Variants in SLC2A13 observed in about 807,000 individuals in gnomAD.
SLC2A13 encodes the protein proton myo-inositol cotransporter.
Under a neutral mutation model 64.4 loss-of-function variants are expected in SLC2A13, and 32 were observed. The observed-to-expected ratio is 0.50, with a 90% CI of 0.37 to 0.67. The LOEUF is 0.67. Ranked by LOEUF, SLC2A13 falls within the 30% of genes least tolerant of loss-of-function variation. The pLI is 0.00. For missense variants in SLC2A13, 743 were observed against 829.2 expected, an observed-to-expected ratio of 0.90 and a Z score of 1.28; for synonymous variants, 338 against 327.1, an observed-to-expected ratio of 1.03 and a Z score of -0.36.
intron 7 of SLC2A13, among the ~76,000 whole-genome samples, chr12:39,791,454 T>C (rs2135764228): frequency 4.9e-5 from 1 of 20,532 alleles, no homozygotes; most frequent in Admixed American, 5.5e-4. Context: ...GCAGACGACA[T>C]GATTGTTTAT....
intron 4 of SLC2A13, among the ~76,000 whole-genome samples, chr12:39,946,727 C>T (rs1437151597): frequency 6.6e-6 from 1 of 152,214 alleles, no homozygotes; most frequent in Admixed American, 6.5e-5. Context: ...GCAACAGCCC[C>T]AAGTCTGTTT....
Position 40,105,623 on chromosome 12 carries a change from C to G in SLC2A13, c.186G>C (p.Gly62=). Residue 62 remains glycine (G), a synonymous_variant, in exon 1 of 10, where the codon GGG becomes GGC. Transcript: ENST00000280871. The surrounding 1 kb of genome is among the most constrained non-coding windows in gnomAD (Gnocchi z 4.2). ...GCCGCCGCGCCGCGCGCTCCAGGTC[C>G]CCGACGCCGCCGCCGCCCGCGCCCG... is the stretch of plus-strand genomic sequence containing the variant. ...QSAGAGGGGV[G]DLERAARRQF... 1 of 1,493,156 alleles carries G rather than the reference C, an allele frequency of 6.7e-7. No homozygotes were observed. The highest frequency in any genetic ancestry group is 8.9e-7 in the Non-Finnish European group (1 of 1,125,150). The allele number at this position is 1,493,156 out of a possible 1,614,324, so 92.5% of individuals were successfully genotyped here.
chr12:40,074,166 AT>A (rs34071336), intron 1 of SLC2A13, among the ~76,000 whole-genome samples: 95,168 of 121,786 alleles, frequency 0.78, 36,443 homozygotes, highest in East Asian at 0.83. Context: ...CATCAAAGAC[AT>A]TTTTTTTTTT....
At chr12:39,923,615 C>T (rs1219096058) in intron 4 of SLC2A13, among the ~76,000 whole-genome samples, 2 of 151,478 alleles carry the variant, frequency 1.3e-5, no homozygotes, top group East Asian at 3.9e-4. Flanking sequence ...TACTGAATGA[C>T]ACTGAATTGT....
At chr12:39,970,859 T>C (rs1404807078) in intron 3 of SLC2A13, among the ~76,000 whole-genome samples, 2 of 152,204 alleles carry the variant, frequency 1.3e-5, no homozygotes, top group African/African-American at 2.4e-5. Flanking sequence ...AAAAACTATA[T>C]AGATGCCAGT....
chr12:39,947,810 G>A (rs563037366), intron 4 of SLC2A13, among the ~76,000 whole-genome samples: 302 of 151,858 alleles, frequency 2.0e-3, no homozygotes, highest in Non-Finnish European at 3.7e-3. Context: ...ACAGGCGCCC[G>A]CCACTATGCC....
intron 4 of SLC2A13, among the ~76,000 whole-genome samples, chr12:39,883,010 T>A (rs1647868942): frequency 6.6e-6 from 1 of 152,186 alleles, no homozygotes; most frequent in Non-Finnish European, 1.5e-5. Context: ...TTTATTTACA[T>A]GAATGAATGG....
intron 3 of SLC2A13, among the ~76,000 whole-genome samples, chr12:39,959,359 G>A (rs1946370494): frequency 6.6e-6 from 1 of 152,198 alleles, no homozygotes; most frequent in Admixed American, 6.5e-5. Context: ...AATCCTCCAA[G>A]GCAATCAATT....
chr12:39,988,647 G>A (rs28370817), intron 3 of SLC2A13, among the ~76,000 whole-genome samples: 1 of 121,238 alleles, frequency 8.2e-6, no homozygotes, highest in Admixed American at 8.7e-5. Context: ...GGAGGAGAGG[G>A]AGAAAAGGAA....
At chr12:40,003,896 G>A (rs1362160284) in intron 3 of SLC2A13, among the ~76,000 whole-genome samples, 23 of 151,918 alleles carry the variant, frequency 1.5e-4, no homozygotes, top group Non-Finnish European at 2.9e-5. Context: ...GGGAGGCTGA[G>A]GAAGGAGAAT....
At chr12:39,931,406 C>A (rs996370182) in intron 4 of SLC2A13, among the ~76,000 whole-genome samples, 1 of 152,198 alleles carries the variant, frequency 6.6e-6, no homozygotes, top group South Asian at 2.1e-4. Flanking sequence ...TTTCCAACAG[C>A]CCTATTCGCC....
intron 6 of SLC2A13, among the ~76,000 whole-genome samples, chr12:39,859,133 GA>G (rs545176403): frequency 8.4e-4 from 128 of 152,104 alleles, no homozygotes; most frequent in Non-Finnish European, 1.7e-3. Context: ...ATCTACAGAT[GA>G]AGCCACAGTT....
At chr12:39,950,792 T>C (rs1400935839) in intron 4 of SLC2A13, 2 of 155,430 alleles carry the variant, frequency 1.3e-5, no homozygotes, top group East Asian at 3.8e-4. Context: ...ATCTCCCCTC[T>C]ACCATACTCT....
At position 40,105,427 on chromosome 12, in the gene SLC2A13, C is replaced by A. The variant is rs756217326; in HGVS notation, c.382G>T (p.Val128Leu). The change falls in exon 1 of 10, where the codon GTG becomes TTG. Residue 128 changes from valine to leucine, a missense_variant. By Grantham distance (32) the Val-to-Leu change is conservative (BLOSUM62 1). Coordinates refer to ENST00000280871, the MANE Select transcript of SLC2A13 (RefSeq NM_052885.4). The surrounding 1 kb of genome is among the most constrained non-coding windows in gnomAD (Gnocchi z 4.2). Reference protein sequence around the residue: ...LWQELLVSSTVGAAAVSALAG... With the variant: ...LWQELLVSSTLGAAAVSALAG... ...AGCGCCGAGACGGCAGCCGCCCCCA[C>A]CGTGCTGGACACCAGCAGCTCCTGC... 38 of 1,551,402 alleles carry A rather than the reference C, an allele frequency of 2.4e-5. No homozygotes were observed. The highest frequency in any genetic ancestry group is 3.0e-5 in the Non-Finnish European group (35 of 1,148,684).
chr12:39,808,883 CA>C (rs1199030729), intron 7 of SLC2A13, among the ~76,000 whole-genome samples: 2 of 152,086 alleles, frequency 1.3e-5, no homozygotes, highest in Non-Finnish European at 2.9e-5. Flanking sequence ...ATTCTCTTAA[CA>C]ATGTCTTTCA....
chr12:40,043,483 C>CTA (rs142719193), intron 2 of SLC2A13, among the ~76,000 whole-genome samples: 85 of 149,476 alleles, frequency 5.7e-4, no homozygotes, highest in Admixed American at 1.1e-3. Flanking sequence ...TAAAAATAAA[C>CTA]TATATATATA....
chr12:40,049,752 C>T (rs1231159675), intron 1 of SLC2A13, among the ~76,000 whole-genome samples: 2 of 152,000 alleles, frequency 1.3e-5, no homozygotes, highest in Admixed American at 1.3e-4. Context: ...CAAATAAATA[C>T]ATAGATGAAC....
chr12:40,023,948 A>G (rs574198212), intron 3 of SLC2A13, among the ~76,000 whole-genome samples: 1 of 152,370 alleles, frequency 6.6e-6, no homozygotes, highest in South Asian at 2.1e-4. Context: ...AATTTCTAGG[A>G]TAAAGCAGAA....
At chr12:40,061,997 A>G (rs539912931) in intron 1 of SLC2A13, among the ~76,000 whole-genome samples, 12 of 152,218 alleles carry the variant, frequency 7.9e-5, no homozygotes, top group Non-Finnish European at 1.8e-4. Context: ...ACCCAGAATG[A>G]GACACACCCA....
Sources: allele counts gnomAD v4.1 joint callset (sites outside exome capture counted in the v4.1 genomes callset), GRCh38; gene constraint gnomAD v4.1.1; non-coding constraint Gnocchi (gnomAD v3.1); transcripts MANE v1.5; gene names NCBI Gene and HGNC (gene_info 2026-07-23, HGNC 2026-07-21).